The following CFAP92 variants were observed in gnomAD, a reference collection of about 807,000 sequenced individuals.
The protein encoded by CFAP92 is uncharacterized protein CFAP92.
In CFAP92, 86 loss-of-function variants were observed where a neutral mutation model predicts 106.3. The observed-to-expected ratio is 0.81, with a 90% CI of 0.68 to 0.97. The LOEUF (loss-of-function observed/expected upper bound fraction) is 0.97, where lower values mean the gene tolerates loss of function less well. CFAP92 is among the 50% of genes least tolerant of loss of function. The pLI, the probability that CFAP92 is intolerant of heterozygous loss-of-function variation, is 0.00. For synonymous variants in CFAP92, 477 were observed against 506.4 expected, an observed-to-expected ratio of 0.94 and a Z score of 0.78; for missense variants, 1,204 against 1,283.8, an observed-to-expected ratio of 0.94 and a Z score of 0.95.
chr3:128,931,190 G>C (rs1938322822), intron 12 of CFAP92, among the ~76,000 whole-genome samples: 1 of 151,866 alleles, frequency 6.6e-6, no homozygotes, highest in African/African-American at 2.4e-5. Context: ...CAGGCATTAG[G>C]CACTGTGCCG....
At chr3:128,936,096 G>T (rs1938993120) in intron 10 of CFAP92, among the ~76,000 whole-genome samples, 1 of 140,688 alleles carries the variant, frequency 7.1e-6, no homozygotes, top group Non-Finnish European at 1.5e-5. Flanking sequence ...TCCAAGCCCT[G>T]CCCTGGCACT....
At position 128,910,212 on chromosome 3, in the gene CFAP92, GA is replaced by G; in HGVS notation, c.*86del. 1 of 1,610,856 alleles carries G rather than the reference GA, an allele frequency of 6.2e-7. No homozygotes were observed. Among genetic ancestry groups the G allele is most frequent in the Admixed American group, 1.7e-5 (1 of 59,882 alleles). On this transcript the variant is annotated 3_prime_UTR_variant, in exon 16 of 16. Coordinates refer to ENST00000645291, the MANE Select transcript of CFAP92 (RefSeq NM_001394090.1). Reference sequence around the variant, plus strand: ...GCCATCTGTCCTGCTGCACTTTAATGAAGTTGATTGTTGAGGAGGGTGTGGT... The same window carrying G: ...GCCATCTGTCCTGCTGCACTTTAATGAGTTGATTGTTGAGGAGGGTGTGGT...
chr3:129,026,178 C>T, the CFAP92 span, among the ~76,000 whole-genome samples: 14 of 152,314 alleles, frequency 9.2e-5, no homozygotes, highest in African/African-American at 2.4e-4. Context: ...CGTTGCTGTC[C>T]GTGCAGGAAG....
intron 10 of CFAP92, among the ~76,000 whole-genome samples, chr3:128,936,372 T>A (rs1389358641): frequency 6.6e-6 from 1 of 152,248 alleles, no homozygotes. Flanking sequence ...ATATTTAGGA[T>A]ACTAATTATT....
At chr3:129,001,910 C>G (rs1217312462) in intron 1 of CFAP92, 1 of 1,538,566 alleles carries the variant, frequency 6.5e-7, no homozygotes, top group African/African-American at 1.4e-5. Context: ...AGGGGGCCAC[C>G]ACGGCCGGGC....
At chr3:128,913,940 G>T (rs1302003424) in intron 15 of CFAP92, among the ~76,000 whole-genome samples, 1 of 152,122 alleles carries the variant, frequency 6.6e-6, no homozygotes, top group Non-Finnish European at 1.5e-5. Flanking sequence ...CCTTCTGGAA[G>T]GGGGCTTCAC....
chr3:128,944,932 G>T, intron 10 of CFAP92, 139 bp downstream of exon 10: 1 of 752,114 alleles, frequency 1.3e-6, no homozygotes, highest in Non-Finnish European at 2.1e-6. Context: ...CTAAACCCTG[G>T]TAAGTACCTC....
At chr3:129,020,115 C>A in the CFAP92 span, among the ~76,000 whole-genome samples, 1 of 151,958 alleles carries the variant, frequency 6.6e-6, no homozygotes, top group Non-Finnish European at 1.5e-5. Context: ...CCATATTGGA[C>A]GATGCAGGCC....
chr3:129,026,188 G>T, the CFAP92 span, among the ~76,000 whole-genome samples: 1 of 152,226 alleles, frequency 6.6e-6, no homozygotes, highest in East Asian at 1.9e-4. Context: ...CGTGCAGGAA[G>T]CTGTGCCTGG....
Position 128,969,478 on chromosome 3 carries a change from A to C in CFAP92, c.1168+1809T>G, listed in dbSNP as rs1233612387. 2.0e-5 allele frequency: 3 copies of C among 152,292 alleles called. No homozygotes were observed. The East Asian group carries it at 5.8e-4, about 30-fold the overall frequency. 9.4% of individuals were successfully genotyped at this position (152,292 alleles called of 1,614,324 possible). On this transcript the variant is annotated intron_variant, in intron 8 of 15. Coordinates refer to ENST00000645291, the MANE Select transcript of CFAP92 (RefSeq NM_001394090.1). Reference sequence around the variant, plus strand: ...TCCCAGCTACTCTAGAGGTTGAAGCAGGAGAATTGCTTAAACCTGGGGGGG... The same window carrying C: ...TCCCAGCTACTCTAGAGGTTGAAGCCGGAGAATTGCTTAAACCTGGGGGGG...
At chr3:129,025,892 T>C in the CFAP92 span, among the ~76,000 whole-genome samples, 82,682 of 152,150 alleles carry the variant, frequency 0.54, 24,383 homozygotes, top group African/African-American at 0.78. Context: ...GACCTGGAGT[T>C]ACCCACTGAC....
chr3:128,965,535 C>G lies in CFAP92; in HGVS notation c.1329G>C (p.Gln443His). Reference protein sequence around the residue: ...KIKCASCLPSQPVPIQELERL... With the variant: ...KIKCASCLPSHPVPIQELERL... ...CCTCTAGTTCCTGAATGGGTACAGG[C>G]TGTGATGGAAGGCAGGAAGCACACT... Residue 443 changes from glutamine (Q) to histidine (H), a missense_variant, in exon 9 of 16, where the codon CAG becomes CAC. Coordinates refer to ENST00000645291, the MANE Select transcript of CFAP92 (RefSeq NM_001394090.1). 2.5e-6 allele frequency: 1 copy of G among 398,876 alleles called. No individual in the cohort carries two copies. The highest frequency in any genetic ancestry group is 4.4e-6 in the Non-Finnish European group (1 of 226,042). 24.7% of individuals were successfully genotyped at this position (398,876 alleles called of 1,614,324 possible). A position where few individuals can be genotyped will look rare whatever the true frequency, so the allele number is the denominator to read the frequency against.
chr3:129,001,979 G>C lies in CFAP92; in HGVS notation n.117+595C>G. On this transcript the variant is annotated intron_variant and non_coding_transcript_variant, in intron 1 of 4. Transcript: ENST00000510149. ...CCCCCGGGGATGCGGCCGCTGAGTT[G>C]GCCACGGACGGGGACTCAGATACCG... 2.6e-6 allele frequency: 4 copies of C among 1,545,328 alleles called. No individual in the cohort carries two copies. In the South Asian group the frequency reaches 3.6e-5, roughly 14 times the overall value.
intron 12 of CFAP92, among the ~76,000 whole-genome samples, chr3:128,931,114 A>G (rs1376560149): frequency 6.6e-6 from 1 of 152,146 alleles, no homozygotes; most frequent in African/African-American, 2.4e-5. Flanking sequence ...CATGTTGGCC[A>G]GGCTGGTTTC....
intron 9 of CFAP92, among the ~76,000 whole-genome samples, chr3:128,950,016 A>C (rs1228322282): frequency 6.6e-6 from 1 of 152,144 alleles, no homozygotes. Flanking sequence ...AAATTTATAG[A>C]CCTATAAACC....
intron 9 of CFAP92, among the ~76,000 whole-genome samples, chr3:128,961,273 G>A (rs933026485): frequency 3.3e-5 from 5 of 152,112 alleles, no homozygotes; most frequent in Admixed American, 2.6e-4. Context: ...CCTAGTCGCT[G>A]TGCCCAGGGC....
chr3:128,956,974 T>A (rs1941478160), intron 9 of CFAP92, among the ~76,000 whole-genome samples: 3 of 10,464 alleles, frequency 2.9e-4, no homozygotes, highest in African/African-American at 9.2e-4. Context: ...AGCCAGACTC[T>A]CTCAAAAAAA....
At chr3:128,966,635 G>A (rs2107771053) in intron 8 of CFAP92, 1 of 151,272 alleles carries the variant, frequency 6.6e-6, no homozygotes, top group East Asian at 1.9e-4. Context: ...CAGTGGCACG[G>A]TCTTGGCTCA....
intron 2 of CFAP92, among the ~76,000 whole-genome samples, chr3:128,990,223 A>C (rs1362519842): frequency 6.6e-6 from 1 of 152,252 alleles, no homozygotes; most frequent in East Asian, 1.9e-4. Context: ...TTGCCCAGGC[A>C]AAGTGGCTCA....
Sources: gnomAD v4.1 joint callset for allele counts (sites outside exome capture counted in the v4.1 genomes callset) on GRCh38, gnomAD v4.1.1 for gene constraint, MANE v1.5 for transcripts, NCBI Gene and HGNC (gene_info 2026-07-23, HGNC 2026-07-21) for gene names.